The following NT5C2 variants were observed in gnomAD, a reference collection of about 807,000 sequenced individuals.
NT5C2 encodes cytosolic purine 5'-nucleotidase.
NT5C2 carries 58 observed loss-of-function variants against 76.1 expected under a neutral mutation model. The observed-to-expected ratio is 0.76, with a 90% confidence interval of 0.62 to 0.95. NT5C2 has a LOEUF of 0.95. NT5C2 is among the 40% of genes least tolerant of loss of function. NT5C2 has a pLI of 0.00. For synonymous variants in NT5C2, 229 were observed against 237.4 expected (o/e 0.96, Z 0.32); for missense variants, 478 against 690.3 (o/e 0.69, Z 3.45).
intron 3 of NT5C2, among the ~76,000 whole-genome samples, chr10:103,162,883 G>GTTAC (rs2085288064): frequency 1.3e-5 from 2 of 151,954 alleles, no homozygotes; most frequent in South Asian, 4.1e-4. Flanking sequence ...TCACATAATA[G>GTTAC]TTACAATCTG....
intron 4 of NT5C2, among the ~76,000 whole-genome samples, chr10:103,115,873 A>C (rs1230163296): frequency 6.6e-6 from 1 of 152,102 alleles, no homozygotes; most frequent in Non-Finnish European, 1.5e-5. Context: ...GAGGGTGTTT[A>C]TCTCAATGAA....
chr10:103,092,898 T>C (rs1321887546), intron 15 of NT5C2, among the ~76,000 whole-genome samples: 1 of 131,930 alleles, frequency 7.6e-6, no homozygotes, highest in Non-Finnish European at 1.7e-5. Context: ...GACGCCAACA[T>C]TCTAAACTTA....
At chr10:103,150,358 TATG>T (rs760681205) in intron 3 of NT5C2, among the ~76,000 whole-genome samples, 1 of 152,204 alleles carries the variant, frequency 6.6e-6, no homozygotes, top group Non-Finnish European at 1.5e-5. Context: ...TTGCTGCATA[TATG>T]ATTAGTTCTT....
chr10:103,142,163 G>C (rs2080554330), intron 3 of NT5C2, among the ~76,000 whole-genome samples: 1 of 152,034 alleles, frequency 6.6e-6, no homozygotes, highest in Admixed American at 6.6e-5. Context: ...GGGGGAAGGA[G>C]CAATAAAAGC....
chr10:103,129,138 C>G, intron 4 of NT5C2, among the ~76,000 whole-genome samples: 1 of 123,798 alleles, frequency 8.1e-6, no homozygotes, highest in African/African-American at 3.0e-5. Context: ...GGTCAGCCCC[C>G]CGCCCGGCCA....
intron 4 of NT5C2, among the ~76,000 whole-genome samples, chr10:103,132,261 A>T (rs959177673): frequency 2.6e-5 from 4 of 151,950 alleles, no homozygotes; most frequent in Non-Finnish European, 4.4e-5. Flanking sequence ...AAAAAGTGTC[A>T]TAGCAATGAA....
At chr10:103,172,827 C>G (rs1331707995) in intron 3 of NT5C2, among the ~76,000 whole-genome samples, 1 of 152,026 alleles carries the variant, frequency 6.6e-6, no homozygotes, top group Non-Finnish European at 1.5e-5. Context: ...AGAATGAACT[C>G]TGTCTCAAAA....
chr10:103,116,587 CTTTTTTTTTTTTT>C (rs2074398022), intron 4 of NT5C2, among the ~76,000 whole-genome samples: 1 of 126,228 alleles, frequency 7.9e-6, no homozygotes, highest in African/African-American at 3.0e-5. Flanking sequence ...TTTTTTTTTT[CTTTTTTTTTTTTT>C]GCTCTGCCAT....
rs534029994 is a variant in NT5C2, at chr10:103,100,249, T to C, written c.540-230A>G. On this transcript the variant is annotated intron_variant, in intron 8 of 18. Transcript: ENST00000404739. Reference sequence around the variant, plus strand: ...AAATACAAAGTGATAGAAGAATATATTGAATGGAAGCTAAAAGGCCAAAGT... The same window carrying C: ...AAATACAAAGTGATAGAAGAATATACTGAATGGAAGCTAAAAGGCCAAAGT... 8.5e-5 allele frequency among the ~76,000 whole-genome samples: 13 copies of C among 152,330 alleles called. No individual in the cohort carries two copies. In the South Asian group the frequency reaches 1.7e-3, roughly 19 times the overall value.
rs368637290 is a variant in NT5C2 at position 103,089,891 on chromosome 10, C to T, written c.1467G>A (p.Thr489=). ...AAHVLMPHES[T]VEHTHVDINE... ...TGATATCTACGTGTGTGTGCTCCACCGTTGATTCATGAGGCATCTAGACAG... is the reference window on the plus strand; with the variant it reads ...TGATATCTACGTGTGTGTGCTCCACTGTTGATTCATGAGGCATCTAGACAG... Residue 489 remains threonine, a synonymous_variant, in exon 19 of 19, where the codon ACG becomes ACA. Transcript: ENST00000404739. 31 of 1,604,808 alleles carry T rather than the reference C, an allele frequency of 1.9e-5. No individual in the cohort carries two copies. The highest frequency in any genetic ancestry group is 4.5e-5 in the East Asian group (2 of 44,720).
At chr10:103,175,395 T>C (rs2089588423) in intron 2 of NT5C2, among the ~76,000 whole-genome samples, 1 of 152,134 alleles carries the variant, frequency 6.6e-6, no homozygotes, top group African/African-American at 2.4e-5. Context: ...AGTAGAACAG[T>C]AGCAGGCACA....
Position 103,181,299 on chromosome 10 carries a change from G to C in NT5C2, c.-139C>G, listed in dbSNP as rs1554839849. 6.7e-6 allele frequency: 1 copy of C among 150,024 alleles called. No homozygotes were observed. The highest frequency in any genetic ancestry group is 1.5e-5 in the Non-Finnish European group (1 of 67,730). 9.3% of individuals were successfully genotyped at this position (150,024 alleles called of 1,614,324 possible). On this transcript the variant is annotated 5_prime_UTR_variant, in exon 2 of 19. Transcript: ENST00000404739. The stretch of plus-strand genomic sequence containing the variant: ...CTTGACGTCAGGAGATCACATCACT[G>C]TACTCCAGCCTGGGCAGCAGAGCGA...
Position 103,090,746 on chromosome 10 carries a change from T to C in NT5C2, c.1314A>G (p.Gly438=), listed in dbSNP as rs745872849. 1 of 1,614,214 alleles carries C rather than the reference T, an allele frequency of 6.2e-7. No individual in the cohort carries two copies. Among genetic ancestry groups the C allele is most frequent in the South Asian group, 1.1e-5 (1 of 91,084 alleles). The change falls in exon 18 of 19, where the codon GGA becomes GGG. Residue 438 remains glycine, a synonymous_variant. Transcript: ENST00000404739. ...GCCGGGAGCCACTGCGAAACAGGCTTCCCATCATCCCATAGCACATGTCCA... is the reference window on the plus strand; with the variant it reads ...GCCGGGAGCCACTGCGAAACAGGCTCCCCATCATCCCATAGCACATGTCCA... ...HDMDMCYGMM[G]SLFRSGSRQT...
chr10:103,192,639 G>A (rs1042381073), intron 1 of NT5C2, among the ~76,000 whole-genome samples: 1 of 152,196 alleles, frequency 6.6e-6, no homozygotes, highest in Non-Finnish European at 1.5e-5. Context: ...TTGCACACGG[G>A]CGTGTGGCAA....
At chr10:103,090,838 G>C (rs1234519615) in intron 17 of NT5C2, 51 bp from the exon 18 acceptor site, 4 of 1,597,910 alleles carry the variant, frequency 2.5e-6, no homozygotes, top group Middle Eastern at 1.7e-4. Flanking sequence ...AATATTTATT[G>C]AGCAGTAGTT....
rs2079966087 is a variant in NT5C2, at chr10:103,139,485, GA to G, written c.102-7del. 6.5e-7 allele frequency: 1 copy of G among 1,541,706 alleles called. No individual in the cohort carries two copies. The highest frequency in any genetic ancestry group is 1.2e-5 in the South Asian group (1 of 82,582). ...AACTTCGGTTCACAAACACCCTATA[GA>G]AAATAATAAAAAATAATATCTCAAC... On this transcript the variant is annotated splice_polypyrimidine_tract_variant and splice_region_variant and intron_variant, in intron 3 of 18. Transcript: ENST00000404739.
intron 4 of NT5C2, among the ~76,000 whole-genome samples, chr10:103,121,901 C>T (rs2075741023): frequency 1.3e-5 from 2 of 152,154 alleles, no homozygotes; most frequent in South Asian, 4.1e-4. Context: ...CGGCCAGGCA[C>T]GATGGCTCAA....
intron 1 of NT5C2, among the ~76,000 whole-genome samples, chr10:103,191,712 C>T (rs1392420291): frequency 6.6e-6 from 1 of 152,014 alleles, no homozygotes; most frequent in East Asian, 1.9e-4. Flanking sequence ...CTTCAGAACC[C>T]CCCCCACTCC....
intron 13 of NT5C2, 57 bp from the exon 14 acceptor site, chr10:103,094,095 C>T: frequency 7.1e-7 from 1 of 1,406,512 alleles, no homozygotes; most frequent in South Asian, 1.2e-5. Flanking sequence ...ATCCTCCCCT[C>T]ACCCCACAAC....
Sources: allele counts gnomAD v4.1 joint callset (sites outside exome capture counted in the v4.1 genomes callset), GRCh38; gene constraint gnomAD v4.1.1; transcripts MANE v1.5; gene names NCBI Gene and HGNC (gene_info 2026-07-23, HGNC 2026-07-21).